NPAP1: variants seen among roughly 807,000 people sequenced by gnomAD.
NPAP1 encodes the protein nuclear pore-associated protein 1.
For synonymous variants in NPAP1, 616 were observed against 581.4 expected, an observed-to-expected ratio of 1.06 and a Z score of -0.86; for missense variants, 1,483 against 1,454.5, an observed-to-expected ratio of 1.02 and a Z score of -0.32.
Position 24,678,734 on chromosome 15 carries a change from G to A in NPAP1, c.2867G>A (p.Gly956Asp), listed in dbSNP as rs2141313332. 1 of 1,614,172 alleles carries A rather than the reference G, an allele frequency of 6.2e-7. No individual in the cohort carries two copies. Among genetic ancestry groups the A allele is most frequent in the Non-Finnish European group, 8.5e-7 (1 of 1,180,040 alleles). Residue 956 changes from glycine (G) to aspartate (D), a missense_variant, in exon 1 of 1, where the codon GGC becomes GAC. By Grantham distance (94) the Gly-to-Asp change is moderately conservative. Transcript: ENST00000329468. ...AELTSPYTAL[G>D]TPVNAEPVEG... ...TTAACATCACCATATACTGCATTGG[G>A]CACACCTGTTAATGCTGAGCCAGTC... is the stretch of plus-strand genomic sequence containing the variant.
In NPAP1 at chr15:24,678,257, T is replaced by C. The variant is rs763146489; in HGVS notation, c.2390T>C (p.Ile797Thr). The C allele has an allele frequency of 6.8e-6, 11 of 1,613,492 alleles. No individual in the cohort carries two copies. In the Admixed American group the frequency reaches 1.8e-4, roughly 27 times the overall value. The change falls in exon 1 of 1, where the codon ATC becomes ACC. Residue 797 changes from isoleucine (I) to threonine (T), a missense_variant. Ile to Thr is a moderately conservative substitution (Grantham distance 89). Coordinates refer to ENST00000329468, the MANE Select transcript of NPAP1 (RefSeq NM_018958.3). ...PSAHDFLSLPIMVPPDTSTLV... is the reference protein window; with the variant it reads ...PSAHDFLSLPTMVPPDTSTLV... ...GCCCATGATTTCCTGAGCCTTCCTA[T>C]CATGGTTCCTCCAGACACCTCCACT...
At position 24,681,029 on chromosome 15, in the gene NPAP1, G is replaced by C. The variant is rs1427061172; in HGVS notation, c.*1691G>C. On this transcript the variant is annotated 3_prime_UTR_variant, in exon 1 of 1. Coordinates refer to ENST00000329468, the MANE Select transcript of NPAP1 (RefSeq NM_018958.3). ...AGATATATGAGCAAAGACCTTTCCA[G>C]ATAATAGGAGTGGTCATTGCAGAGG... 6.0e-6 allele frequency: 1 copy of C among 167,108 alleles called. No homozygotes were observed. The highest frequency in any genetic ancestry group is 1.5e-5 in the Non-Finnish European group (1 of 68,130). The allele number at this position is 167,108 out of a possible 1,614,324, so 10.4% of individuals were successfully genotyped here. A position where few individuals can be genotyped will look rare whatever the true frequency, so the allele number is the denominator to read the frequency against.
chr15:24,675,799 G>A lies in NPAP1; in HGVS notation c.-69G>A. ...CAGTTTGTGCTTGGTCGCCAGAGGAGGCGGTGGCTGAGGAGAGTTGAGTCC... is the reference window on the plus strand; with the variant it reads ...CAGTTTGTGCTTGGTCGCCAGAGGAAGCGGTGGCTGAGGAGAGTTGAGTCC... On this transcript the variant is annotated 5_prime_UTR_variant, in exon 1 of 1. Transcript: ENST00000329468. The A allele has an allele frequency of 8.9e-7, 1 of 1,128,352 alleles. No individual in the cohort carries two copies. Among genetic ancestry groups the A allele is most frequent in the South Asian group, 1.8e-5 (1 of 57,054 alleles). The allele number at this position is 1,128,352 out of a possible 1,614,324, so 69.9% of individuals were successfully genotyped here. A position where few individuals can be genotyped will look rare whatever the true frequency, so the allele number is the denominator to read the frequency against.
Position 24,677,881 on chromosome 15 carries a change from A to G in NPAP1, c.2014A>G (p.Ile672Val), listed in dbSNP as rs2048988048. The change falls in exon 1 of 1, where the codon ATC becomes GTC. Residue 672 changes from isoleucine to valine, a missense_variant. Ile to Val is a conservative substitution (Grantham distance 29, BLOSUM62 3). Transcript: ENST00000329468. The part of the protein sequence containing the change: ...PSACVFLSLP[I>V]IPPPDTSTLV... ...TGCCTGTGTTTTCCTGAGCCTTCCC[A>G]TCATTCCTCCTCCAGACACCTCCAC... 9 of 1,613,542 alleles carry G rather than the reference A, an allele frequency of 5.6e-6. No individual in the cohort carries two copies. The South Asian group carries it at 6.6e-5, about 12-fold the overall frequency.
At position 24,677,036 on chromosome 15, in the gene NPAP1, C is replaced by G; in HGVS notation, c.1169C>G (p.Thr390Arg). The change falls in exon 1 of 1, where the codon ACA (threonine) becomes AGA (arginine). Residue 390 changes from threonine (T) to arginine (R), a missense_variant. Transcript: ENST00000329468. The part of the protein sequence containing the change: ...RILEDKTETM[T>R]NSSITQPAPS... ...TTGGAGGATAAAACAGAGACCATGA[C>G]AAACAGCAGCATCACCCAGCCTGCC... The G allele has an allele frequency of 6.2e-7, 1 of 1,613,992 alleles. No homozygotes were observed. The highest frequency in any genetic ancestry group is 1.1e-5 in the South Asian group (1 of 91,056).
chr15:24,679,286 A>G lies in NPAP1; in HGVS notation c.3419A>G (p.Tyr1140Cys), dbSNP rs1277283897. Residue 1140 changes from tyrosine (Y) to cysteine (C), a missense_variant, in exon 1 of 1, where the codon TAC becomes TGC. Transcript: ENST00000329468. ...AAATTCTACACTTCAAGCACCCACT[A>G]CTATGGACAAGAAACATATGTTAGG... ...ERKFYTSSTH[Y>C]YGQETYVRRH... The G allele has an allele frequency of 1.2e-6, 2 of 1,613,936 alleles. No individual in the cohort carries two copies. Among genetic ancestry groups the G allele is most frequent in the East Asian group, 4.5e-5 (2 of 44,866 alleles).
At position 24,678,405 on chromosome 15, in the gene NPAP1, G is replaced by C. The variant is rs1335110585; in HGVS notation, c.2538G>C (p.Glu846Asp). 1 of 1,613,956 alleles carries C rather than the reference G, an allele frequency of 6.2e-7. No homozygotes were observed. The highest frequency in any genetic ancestry group is 1.7e-5 in the Admixed American group (1 of 60,006). ...CTACCTTTGTCTCCAGGAAGGAGGA[G>C]TACATCCGATTTTATATGGGGCTTC... The part of the protein sequence containing the change: ...LQSTFVSRKE[E>D]YIRFYMGLPG... Residue 846 changes from glutamate (E) to aspartate (D), a missense_variant, in exon 1 of 1, where the codon GAG becomes GAC. Glu to Asp is a conservative substitution (Grantham distance 45). Transcript: ENST00000329468.
In NPAP1 at chr15:24,676,782, G is replaced by A. The variant is rs140625833; in HGVS notation, c.915G>A (p.Glu305=). 7.4e-6 allele frequency: 12 copies of A among 1,613,360 alleles called. No individual in the cohort carries two copies. Among genetic ancestry groups the A allele is most frequent in the Non-Finnish European group, 1.0e-5 (12 of 1,180,032 alleles). ...TGTCCGGAAAGAGGATGCCTGATGA[G>A]AAGCCTTTCTGTATTCCTCCAAGGA... ...PLMSGKRMPD[E]KPFCIPPRSA... is the part of the protein sequence containing the mutation. The change falls in exon 1 of 1, where the codon GAG becomes GAA. Residue 305 remains glutamate (E), a synonymous_variant. Transcript: ENST00000329468.
rs2141307095 is a variant in NPAP1, at chr15:24,676,016, T to C, written c.149T>C (p.Leu50Pro). ...SVPTPRPFRG[L>P]FRRNARRRPS... ...CCCACCCCGCGCCCTTTCCGCGGCC[T>C]GTTCCGCCGGAACGCCCGTCGCAGG... The change falls in exon 1 of 1, where the codon CTG becomes CCG. Residue 50 changes from leucine to proline, a missense_variant. Coordinates refer to ENST00000329468, the MANE Select transcript of NPAP1 (RefSeq NM_018958.3). 6.3e-7 allele frequency: 1 copy of C among 1,598,650 alleles called. No individual in the cohort carries two copies. Among genetic ancestry groups the C allele is most frequent in the African/African-American group, 1.4e-5 (1 of 73,638 alleles).
Position 24,675,995 on chromosome 15 carries a change from C to T in NPAP1, c.128C>T (p.Thr43Ile), listed in dbSNP as rs771241511. ...CCCGGTCGGGCTCACTCTGTACCCA[C>T]CCCGCGCCCTTTCCGCGGCCTGTTC... ...SPPGRAHSVP[T>I]PRPFRGLFRR... is the part of the protein sequence containing the mutation. Residue 43 changes from threonine (T) to isoleucine (I), a missense_variant, in exon 1 of 1, where the codon ACC (threonine) becomes ATC (isoleucine). Coordinates refer to ENST00000329468, the MANE Select transcript of NPAP1 (RefSeq NM_018958.3). The T allele has an allele frequency of 6.2e-7, 1 of 1,601,348 alleles. No individual in the cohort carries two copies. Among genetic ancestry groups the T allele is most frequent in the Non-Finnish European group, 8.5e-7 (1 of 1,175,130 alleles).
chr15:24,677,945 C>A lies in NPAP1; in HGVS notation c.2078C>A (p.Pro693His), dbSNP rs144445294. ...NSASTASSSK[P>H]PIETNAMHTT... is the part of the protein sequence containing the mutation. ...GCCTCTACAGCATCATCATCCAAAC[C>A]TCCCATTGAAACCAATGCTATGCAT... The change falls in exon 1 of 1, where the codon CCT becomes CAT. Residue 693 changes from proline (P) to histidine (H), a missense_variant. Coordinates refer to ENST00000329468, the MANE Select transcript of NPAP1 (RefSeq NM_018958.3). 1 of 1,613,620 alleles carries A rather than the reference C, an allele frequency of 6.2e-7. No individual in the cohort carries two copies. Among genetic ancestry groups the A allele is most frequent in the Non-Finnish European group, 8.5e-7 (1 of 1,179,946 alleles).
In NPAP1 at chr15:24,680,247, C is replaced by T. The variant is rs1438998686; in HGVS notation, c.*909C>T. 3.0e-5 allele frequency: 5 copies of T among 166,458 alleles called. No individual in the cohort carries two copies. Among genetic ancestry groups the T allele is most frequent in the South Asian group, 2.1e-4 (1 of 4,832 alleles). 10.3% of individuals were successfully genotyped at this position (166,458 alleles called of 1,614,324 possible). On this transcript the variant is annotated 3_prime_UTR_variant, in exon 1 of 1. Transcript: ENST00000329468. Reference sequence around the variant, plus strand: ...CTGACCTCAGGTGATCCACCCACCTCGGCCTCCCAAAGTGCTAGGATGACA... The same window carrying T: ...CTGACCTCAGGTGATCCACCCACCTTGGCCTCCCAAAGTGCTAGGATGACA...
chr15:24,679,271 C>T lies in NPAP1; in HGVS notation c.3404C>T (p.Thr1135Ile), dbSNP rs2049001397. ...QHTWTERKFY[T>I]SSTHYYGQET... ...ACATGGACAGAGAGAAAATTCTACA[C>T]TTCAAGCACCCACTACTATGGACAA... Residue 1135 changes from threonine to isoleucine, a missense_variant, in exon 1 of 1, where the codon ACT (threonine) becomes ATT (isoleucine). Physicochemically the swap from Thr to Ile is moderately conservative, Grantham distance 89. Transcript: ENST00000329468. The T allele has an allele frequency of 3.7e-6, 6 of 1,613,950 alleles. No individual in the cohort carries two copies. The highest frequency in any genetic ancestry group is 4.2e-6 in the Non-Finnish European group (5 of 1,180,028).
In NPAP1 at chr15:24,676,242, C is replaced by T. The variant is rs1223137950; in HGVS notation, c.375C>T (p.Leu125=). The part of the protein sequence containing the change: ...RIPPPSRMFT[L]LLPSPREPAV... ...CTCCTCCCAGCCGCATGTTCACTCT[C>T]CTGCTGCCTTCACCACGTGAGCCGG... is the stretch of plus-strand genomic sequence containing the variant. The change falls in exon 1 of 1, where the codon CTC becomes CTT. Residue 125 remains leucine, a synonymous_variant. Coordinates refer to ENST00000329468, the MANE Select transcript of NPAP1 (RefSeq NM_018958.3). 3.3e-6 allele frequency: 5 copies of T among 1,522,980 alleles called. No homozygotes were observed. The South Asian group carries it at 4.0e-5, about 12-fold the overall frequency. 94.3% of individuals were successfully genotyped at this position (1,522,980 alleles called of 1,614,324 possible). A position where few individuals can be genotyped will look rare whatever the true frequency, so the allele number is the denominator to read the frequency against.
At position 24,682,512 on chromosome 15, in the gene NPAP1, TTTTA is replaced by T. The variant is rs1287363992; in HGVS notation, c.*3178_*3181del. 6.0e-6 allele frequency: 1 copy of T among 167,028 alleles called. No individual in the cohort carries two copies. Among genetic ancestry groups the T allele is most frequent in the Non-Finnish European group, 1.5e-5 (1 of 68,120 alleles). The allele number at this position is 167,028 out of a possible 1,614,324, so 10.3% of individuals were successfully genotyped here. A position where few individuals can be genotyped will look rare whatever the true frequency, so the allele number is the denominator to read the frequency against. Reference sequence around the variant, plus strand: ...CAACTGAAACTATTTCTAAATATTCTTTTATTTTTTATTAAGATAAAAAGCAAAC... The same window carrying T: ...CAACTGAAACTATTTCTAAATATTCTTTTTTTATTAAGATAAAAAGCAAAC... On this transcript the variant is annotated 3_prime_UTR_variant, in exon 1 of 1. Coordinates refer to ENST00000329468, the MANE Select transcript of NPAP1 (RefSeq NM_018958.3).
chr15:24,676,148 T>G lies in NPAP1; in HGVS notation c.281T>G (p.Ile94Ser), dbSNP rs1262213648. 6.3e-7 allele frequency: 1 copy of G among 1,575,570 alleles called. No homozygotes were observed. Among genetic ancestry groups the G allele is most frequent in the South Asian group, 1.2e-5 (1 of 85,050 alleles). ...VLPAVGWGLAIRKTPMLPARN... is the reference protein window; with the variant it reads ...VLPAVGWGLASRKTPMLPARN... The stretch of plus-strand genomic sequence containing the variant: ...CCGGCTGTGGGTTGGGGGCTGGCCA[T>G]CAGGAAGACACCCATGCTGCCTGCT... The change falls in exon 1 of 1, where the codon ATC becomes AGC. Residue 94 changes from isoleucine (I) to serine (S), a missense_variant. Coordinates refer to ENST00000329468, the MANE Select transcript of NPAP1 (RefSeq NM_018958.3).
rs768411016 is a variant in NPAP1 at position 24,678,671 on chromosome 15, C to T, written c.2804C>T (p.Pro935Leu). Residue 935 changes from proline (P) to leucine (L), a missense_variant, in exon 1 of 1, where the codon CCA becomes CTA. Transcript: ENST00000329468. ...VIGLTSPSVQPLSGSIIPPGF... is the reference protein window; with the variant it reads ...VIGLTSPSVQLLSGSIIPPGF... ...GGCTTAACATCTCCTTCAGTCCAGC[C>T]ACTGAGTGGCAGCATAATTCCACCA... The T allele has an allele frequency of 3.1e-6, 5 of 1,614,170 alleles. No homozygotes were observed. In the East Asian group the frequency reaches 1.1e-4, roughly 36 times the overall value.
At chr15:24,678,022 A>T in the NPAP1 span, 1 of 1,614,094 alleles carries the variant, frequency 6.2e-7, no homozygotes, top group Non-Finnish European at 8.5e-7. Flanking sequence ...TGTCTCCAAG[A>T]AGTACCTCCC....
Position 24,677,600 on chromosome 15 carries a change from T to C in NPAP1, c.1733T>C (p.Met578Thr), listed in dbSNP as rs748544114. 6 of 1,614,206 alleles carry C rather than the reference T, an allele frequency of 3.7e-6. No homozygotes were observed. The highest frequency in any genetic ancestry group is 5.1e-6 in the Non-Finnish European group (6 of 1,180,034). Residue 578 changes from methionine to threonine, a missense_variant, in exon 1 of 1, where the codon ATG (methionine) becomes ACG (threonine). By Grantham distance (81) the Met-to-Thr change is moderately conservative. Coordinates refer to ENST00000329468, the MANE Select transcript of NPAP1 (RefSeq NM_018958.3). Reference sequence around the variant, plus strand: ...GCGGTAGACCCTGAAGTAGTTAATATGGATACTACTGCCCCATCTCAGGTT... The same window carrying C: ...GCGGTAGACCCTGAAGTAGTTAATACGGATACTACTGCCCCATCTCAGGTT... ...QTAVDPEVVN[M>T]DTTAPSQVVI... is the part of the protein sequence containing the mutation.
Sources: gnomAD v4.1 joint callset for allele counts on GRCh38, gnomAD v4.1.1 for gene constraint, MANE v1.5 for transcripts, NCBI Gene and HGNC (gene_info 2026-07-23, HGNC 2026-07-21) for gene names.